Variants in HEPACAM observed in about 807,000 individuals in gnomAD.
HEPACAM encodes the protein hepatocyte cell adhesion molecule.
A neutral mutation model predicts 38.3 loss-of-function variants in HEPACAM; 18 were observed. That is an observed-to-expected ratio of 0.47 (90% CI 0.33 to 0.70). HEPACAM has a LOEUF of 0.70. Among genes scored for constraint, HEPACAM ranks in the 30% least tolerant of loss-of-function variants. The pLI is 0.03. For missense variants in HEPACAM, 466 were observed against 563.0 expected (o/e 0.83, Z 1.74); for synonymous variants, 216 against 243.1 (o/e 0.89, Z 1.04).
Position 124,921,022 on chromosome 11 carries a change from C to T in HEPACAM, c.*116G>A, listed in dbSNP as rs886047931. On this transcript the variant is annotated 3_prime_UTR_variant, in exon 7 of 7. Coordinates refer to ENST00000298251, the MANE Select transcript of HEPACAM (RefSeq NM_152722.5). This position sits in a 1 kb window ranked among gnomAD's most constrained non-coding sequence, Gnocchi z 4.6. Reference sequence around the variant, plus strand: ...CACGTTCACACCCGAGACACCAGCGCCCCCCCGGGACCTCCCCTCGTCCCC... The same window carrying T: ...CACGTTCACACCCGAGACACCAGCGTCCCCCCGGGACCTCCCCTCGTCCCC... 29 of 1,398,724 alleles carry T rather than the reference C, an allele frequency of 2.1e-5. No individual in the cohort carries two copies. Among genetic ancestry groups the T allele is most frequent in the Middle Eastern group, 2.6e-4 (1 of 3,778 alleles). The allele number at this position is 1,398,724 out of a possible 1,614,324, so 86.6% of individuals were successfully genotyped here. A position where few individuals can be genotyped will look rare whatever the true frequency, so the allele number is the denominator to read the frequency against.
chr11:124,921,457 CG>C lies in HEPACAM; in HGVS notation c.949-18del. On this transcript the variant is annotated intron_variant, in intron 6 of 6. Coordinates refer to ENST00000298251, the MANE Select transcript of HEPACAM (RefSeq NM_152722.5). The surrounding 1 kb of genome is among the most constrained non-coding windows in gnomAD (Gnocchi z 4.6). ...CGGGGAGTCCTGCAAGGACACGCGC[CG>C]CAGGGGTCAGGGGACAGTCAGCCCA... The C allele has an allele frequency of 8.0e-7, 1 of 1,257,108 alleles. No homozygotes were observed. Among genetic ancestry groups the C allele is most frequent in the Non-Finnish European group, 1.0e-6 (1 of 1,001,232 alleles). The allele number at this position is 1,257,108 out of a possible 1,614,324, so 77.9% of individuals were successfully genotyped here.
At chr11:124,927,517 TTTTTTG>T (rs1447887486) in intron 1 of HEPACAM, among the ~76,000 whole-genome samples, 5 of 126,596 alleles carry the variant, frequency 3.9e-5, no homozygotes, top group East Asian at 3.4e-4. Context: ...TAGGTTTTTT[TTTTTTG>T]TTTTTTTTTT....
At chr11:124,927,270 C>A (rs1398780085) in intron 1 of HEPACAM, among the ~76,000 whole-genome samples, 1 of 152,110 alleles carries the variant, frequency 6.6e-6, no homozygotes, top group Non-Finnish European at 1.5e-5. Flanking sequence ...ACTTTTACAC[C>A]TTGCTGGGCC....
Position 124,921,127 on chromosome 11 carries a change from C to T in HEPACAM, c.*11G>A. The T allele has an allele frequency of 6.6e-7, 1 of 1,525,258 alleles. No homozygotes were observed. The highest frequency in any genetic ancestry group is 8.7e-7 in the Non-Finnish European group (1 of 1,143,008). 94.5% of individuals were successfully genotyped at this position (1,525,258 alleles called of 1,614,324 possible). ...AGACCGCGGGCGCCTCTCAGGGGAT[C>T]CCGAGGCGGCTCAGGCGCTGATCTC... On this transcript the variant is annotated 3_prime_UTR_variant, in exon 7 of 7. Transcript: ENST00000298251. This position sits in a 1 kb window ranked among gnomAD's most constrained non-coding sequence, Gnocchi z 4.6.
chr11:124,922,408 G>C lies in HEPACAM; in HGVS notation c.928C>G (p.Leu310Val), dbSNP rs775137870. The C allele has an allele frequency of 6.2e-7, 1 of 1,614,174 alleles. No homozygotes were observed. The highest frequency in any genetic ancestry group is 8.5e-7 in the Non-Finnish European group (1 of 1,180,030). ...GEQERKNPMA[L>V]YILKDKDSPE... ...CTCACCTTGTCCTTCAGGATATAGA[G>C]TGCCATGGGGTTCTTCCGTTCCTGC... The change falls in exon 6 of 7, where the codon CTC (leucine) becomes GTC (valine). Residue 310 changes from leucine (L) to valine (V), a missense_variant. By Grantham distance (32) the Leu-to-Val change is conservative. Coordinates refer to ENST00000298251, the MANE Select transcript of HEPACAM (RefSeq NM_152722.5).
Position 124,923,326 on chromosome 11 carries a change from A to G in HEPACAM, c.803+14T>C. ...GGATTGAAGGACTCAGGTGCTCAGG[A>G]GAGTTACCCAGACCTTTTGGAGGGT... On this transcript the variant is annotated intron_variant, in intron 4 of 6. Transcript: ENST00000298251. 6.4e-7 allele frequency: 1 copy of G among 1,573,458 alleles called. No individual in the cohort carries two copies. Among genetic ancestry groups the G allele is most frequent in the East Asian group, 2.2e-5 (1 of 44,682 alleles).
At chr11:124,928,657 A>G (rs567621314) in intron 1 of HEPACAM, among the ~76,000 whole-genome samples, 2 of 152,294 alleles carry the variant, frequency 1.3e-5, no homozygotes, top group South Asian at 4.1e-4. Context: ...ATAAATGCAT[A>G]CCTGATTGCC....
At chr11:124,934,999 A>T (rs1412436776) in intron 1 of HEPACAM, among the ~76,000 whole-genome samples, 1 of 152,156 alleles carries the variant, frequency 6.6e-6, no homozygotes, top group East Asian at 1.9e-4. Flanking sequence ...TGTTATTTCA[A>T]GCTGTTGACC....
intron 1 of HEPACAM, among the ~76,000 whole-genome samples, chr11:124,929,316 C>T (rs776975139): frequency 1.3e-5 from 2 of 152,162 alleles, no homozygotes; most frequent in African/African-American, 4.8e-5. Flanking sequence ...TGGGCATGTC[C>T]GTGGGCCAAA....
At chr11:124,934,712 C>T (rs1181900969) in intron 1 of HEPACAM, among the ~76,000 whole-genome samples, 1 of 151,974 alleles carries the variant, frequency 6.6e-6, no homozygotes, top group African/African-American at 2.4e-5. Context: ...TTAAGCCACT[C>T]AGTTTGTGGT....
At chr11:124,929,154 A>G (rs1947253467) in intron 1 of HEPACAM, among the ~76,000 whole-genome samples, 1 of 152,138 alleles carries the variant, frequency 6.6e-6, no homozygotes, top group Admixed American at 6.5e-5. Flanking sequence ...CCAAAGTCCT[A>G]GTAGCCTTTT....
At chr11:124,929,893 C>T (rs909175129) in intron 1 of HEPACAM, among the ~76,000 whole-genome samples, 10 of 152,162 alleles carry the variant, frequency 6.6e-5, no homozygotes, top group South Asian at 2.1e-4. Context: ...AGTTTCCTTT[C>T]GCCAGTATTT....
chr11:124,924,060 TC>T lies in HEPACAM; in HGVS notation c.428-51del. ...TGTAAGTCATTGGCTAAGAAGTGTC[TC>T]CCTTCCCCTTTTTAGCTCCCTGCCT... On this transcript the variant is annotated intron_variant, in intron 2 of 6. Transcript: ENST00000298251. The surrounding 1 kb of genome is among the most constrained non-coding windows in gnomAD (Gnocchi z 4.4). The T allele has an allele frequency of 6.4e-7, 1 of 1,550,642 alleles. No individual in the cohort carries two copies. The highest frequency in any genetic ancestry group is 1.4e-5 in the African/African-American group (1 of 73,744).
rs1269829341 is a variant in HEPACAM, at chr11:124,919,450, C to T, written c.*1688G>A. The stretch of plus-strand genomic sequence containing the variant: ...TCAGCACCAGGGTATGGCATGTTCT[C>T]ATCTCACCCTAACCTTCACCTGTGC... On this transcript the variant is annotated 3_prime_UTR_variant, in exon 7 of 7. Coordinates refer to ENST00000298251, the MANE Select transcript of HEPACAM (RefSeq NM_152722.5). The T allele has an allele frequency of 7.4e-6, 3 of 405,530 alleles. No individual in the cohort carries two copies. The highest frequency in any genetic ancestry group is 1.3e-5 in the Non-Finnish European group (3 of 223,092). 25.1% of individuals were successfully genotyped at this position (405,530 alleles called of 1,614,324 possible).
intron 1 of HEPACAM, among the ~76,000 whole-genome samples, chr11:124,929,187 C>G (rs1191701962): frequency 6.6e-6 from 1 of 152,166 alleles, no homozygotes; most frequent in African/African-American, 2.4e-5. Context: ...CTCCCTGAAG[C>G]CTTTCTGCCA....
chr11:124,930,912 G>A (rs987808561), intron 1 of HEPACAM, among the ~76,000 whole-genome samples: 3 of 152,292 alleles, frequency 2.0e-5, no homozygotes, highest in African/African-American at 7.2e-5. Context: ...AACAGACTAT[G>A]TCCTTGACTT....
At chr11:124,923,174 G>A (rs186001459) in intron 4 of HEPACAM, among the ~76,000 whole-genome samples, 166 bp downstream of exon 4, 126 of 152,264 alleles carry the variant, frequency 8.3e-4, no homozygotes, top group Non-Finnish European at 1.5e-3. Context: ...GGGTTGTGGG[G>A]GCTTTGGAGC....
At chr11:124,934,262 C>T (rs1373720306) in intron 1 of HEPACAM, among the ~76,000 whole-genome samples, 2 of 152,126 alleles carry the variant, frequency 1.3e-5, no homozygotes, top group Non-Finnish European at 2.9e-5. Flanking sequence ...CTCAACATGC[C>T]TCATTCCTTC....
rs929122907 is a variant in HEPACAM at position 124,925,036 on chromosome 11, A to T, written c.119T>A (p.Val40Glu). The T allele has an allele frequency of 6.2e-7, 1 of 1,602,482 alleles. No individual in the cohort carries two copies. The highest frequency in any genetic ancestry group is 8.5e-7 in the Non-Finnish European group (1 of 1,172,180). The change falls in exon 2 of 7, where the codon GTG becomes GAG. Residue 40 changes from valine (V) to glutamate (E), a missense_variant. Coordinates refer to ENST00000298251, the MANE Select transcript of HEPACAM (RefSeq NM_152722.5). Reference protein sequence around the residue: ...PLEGVNITSPVRLIHGTVGKS... With the variant: ...PLEGVNITSPERLIHGTVGKS... The stretch of plus-strand genomic sequence containing the variant: ...CCCCACGGTGCCATGGATCAGGCGC[A>T]CGGGGCTGGTGATGTTCACCCCCTC...
Sources: allele counts gnomAD v4.1 joint callset (sites outside exome capture counted in the v4.1 genomes callset), GRCh38; gene constraint gnomAD v4.1.1; non-coding constraint Gnocchi (gnomAD v3.1); transcripts MANE v1.5; gene names NCBI Gene and HGNC (gene_info 2026-07-23, HGNC 2026-07-21).